KSR2: variants seen among roughly 807,000 people sequenced by gnomAD.
The protein encoded by KSR2 is kinase suppressor of ras 2.
Under a neutral mutation model 107.8 loss-of-function variants are expected in KSR2, and 25 were observed. The ratio of observed to expected loss-of-function variants is 0.23; its 90% confidence interval spans 0.17 to 0.32. The LOEUF is 0.32. Ranked by LOEUF, KSR2 falls within the 10% of genes least tolerant of loss-of-function variation. The pLI is 1.00. For synonymous variants in KSR2, 480 were observed against 507.0 expected, an observed-to-expected ratio of 0.95 and a Z score of 0.71; for missense variants, 887 against 1,268.9, an observed-to-expected ratio of 0.70 and a Z score of 4.57.
chr12:117,565,370 TA>T (rs1878417638), intron 7 of KSR2, among the ~76,000 whole-genome samples: 1 of 152,234 alleles, frequency 6.6e-6, no homozygotes, highest in African/African-American at 2.4e-5. Context: ...TGGAACATTT[TA>T]AAAACCTGGC....
chr12:117,690,687 G>A (rs561448941), intron 4 of KSR2, among the ~76,000 whole-genome samples: 8 of 152,322 alleles, frequency 5.3e-5, no homozygotes, highest in Non-Finnish European at 1.2e-4. Flanking sequence ...AAAGCAATAT[G>A]CTGTGTGTTA....
chr12:117,773,547 C>A (rs1441354519), intron 3 of KSR2, among the ~76,000 whole-genome samples: 1 of 152,174 alleles, frequency 6.6e-6, no homozygotes, highest in Non-Finnish European at 1.5e-5. Flanking sequence ...ACAGTAGATT[C>A]TTTAGCTCTT....
intron 14 of KSR2, among the ~76,000 whole-genome samples, chr12:117,497,949 A>T (rs1424932960): frequency 6.6e-6 from 1 of 152,238 alleles, no homozygotes; most frequent in Non-Finnish European, 1.5e-5. Flanking sequence ...CTTGCAGGTT[A>T]AATGAGATAA....
At position 117,462,236 on chromosome 12, in the gene KSR2, C is replaced by CAAAAAAAAAAAAAAAA. The variant is rs61299121; in HGVS notation, c.*4947_*4962dup. 1.5e-5 allele frequency: 1 copy of CAAAAAAAAAAAAAAAA among 66,480 alleles called. No individual in the cohort carries two copies. The highest frequency in any genetic ancestry group is 2.7e-5 in the Non-Finnish European group (1 of 36,872). The allele number at this position is 66,480 out of a possible 1,614,324, so 4.1% of individuals were successfully genotyped here. A position where few individuals can be genotyped will look rare whatever the true frequency, so the allele number is the denominator to read the frequency against. Reference sequence around the variant, plus strand: ...GTGTTATAAGTTGTGGTGTCCCCAACAAAAAAAAAAAAAAAAAAAAAAAGA... The same window carrying CAAAAAAAAAAAAAAAA: ...GTGTTATAAGTTGTGGTGTCCCCAACAAAAAAAAAAAAAAAAAAAAAAAAAAAAAAAAAAAAAAAGA... On this transcript the variant is annotated 3_prime_UTR_variant, in exon 20 of 20. Transcript: ENST00000339824.
rs1212166204 is a variant in KSR2, at chr12:117,614,801, T to C, written c.1172-32442A>G. Among the ~76,000 whole-genome samples the C allele has an allele frequency of 1.9e-4, 29 of 152,224 alleles. 1 individual carries two copies. On this transcript the variant is annotated intron_variant, in intron 5 of 19. Transcript: ENST00000339824. Reference sequence around the variant, plus strand: ...GTTTAACTAATGTTTGTTCTGGAAATGTCACCATTGCCTCTGGAATTTACT... The same window carrying C: ...GTTTAACTAATGTTTGTTCTGGAAACGTCACCATTGCCTCTGGAATTTACT...
At chr12:117,940,884 G>A (rs1215206508) in intron 1 of KSR2, among the ~76,000 whole-genome samples, 4 of 152,006 alleles carry the variant, frequency 2.6e-5, no homozygotes, top group African/African-American at 9.7e-5. Flanking sequence ...CCACGAGTTT[G>A]AGACCAGCCT....
chr12:117,575,057 G>A (rs950970175), intron 7 of KSR2, among the ~76,000 whole-genome samples: 5 of 152,130 alleles, frequency 3.3e-5, no homozygotes, highest in Admixed American at 2.0e-4. Context: ...TGAAACTGCA[G>A]CCCCCATCCT....
At chr12:117,810,735 T>C (rs1891162717) in intron 3 of KSR2, among the ~76,000 whole-genome samples, 1 of 152,220 alleles carries the variant, frequency 6.6e-6, no homozygotes, top group South Asian at 2.1e-4. Context: ...ATGAAGATGG[T>C]TAAACTGTTT....
At chr12:117,646,315 G>T (rs1883636959) in intron 5 of KSR2, among the ~76,000 whole-genome samples, 1 of 152,160 alleles carries the variant, frequency 6.6e-6, no homozygotes, top group Admixed American at 6.5e-5. Flanking sequence ...AGAAGCAGCA[G>T]CTGAACCTAT....
At chr12:117,555,476 A>G (rs759353902) in intron 8 of KSR2, among the ~76,000 whole-genome samples, 183 bp from the exon 9 acceptor site, 13 of 152,232 alleles carry the variant, frequency 8.5e-5, no homozygotes, top group African/African-American at 3.1e-4. Context: ...ACATATTTCT[A>G]TTGTCCATAT....
At chr12:117,941,742 T>C (rs190072390) in intron 1 of KSR2, among the ~76,000 whole-genome samples, 27 of 141,680 alleles carry the variant, frequency 1.9e-4, no homozygotes, top group Non-Finnish European at 3.6e-4. Context: ...TTCTCGTGCC[T>C]CAACCTCCCA....
chr12:117,454,465 A>C lies in KSR2; in HGVS notation c.*12734T>G, dbSNP rs1336473555. ...AAGATGCTTTGTTTTCTGTCTTTCA[A>C]ACCCTGACATATTTATAGAGACAGC... On this transcript the variant is annotated 3_prime_UTR_variant, in exon 20 of 20. Coordinates refer to ENST00000339824, the MANE Select transcript of KSR2 (RefSeq NM_173598.6). The C allele has an allele frequency of 6.6e-6, 1 of 152,228 alleles. No homozygotes were observed. Among genetic ancestry groups the C allele is most frequent in the African/African-American group, 2.4e-5 (1 of 41,460 alleles). 9.4% of individuals were successfully genotyped at this position (152,228 alleles called of 1,614,324 possible). A position where few individuals can be genotyped will look rare whatever the true frequency, so the allele number is the denominator to read the frequency against.
At chr12:117,579,526 T>C (rs1434875579) in intron 6 of KSR2, among the ~76,000 whole-genome samples, 1 of 152,228 alleles carries the variant, frequency 6.6e-6, no homozygotes, top group African/African-American at 2.4e-5. Flanking sequence ...TGAACTTTCG[T>C]AAGGGTCATT....
intron 5 of KSR2, among the ~76,000 whole-genome samples, chr12:117,645,751 A>G (rs1593086918): frequency 6.6e-6 from 1 of 152,158 alleles, no homozygotes; most frequent in East Asian, 1.9e-4. Context: ...AAATGTTCTC[A>G]TCAAATACAG....
chr12:117,964,454 A>G (rs559978305), intron 1 of KSR2, among the ~76,000 whole-genome samples: 2 of 152,334 alleles, frequency 1.3e-5, no homozygotes, highest in South Asian at 4.1e-4. Context: ...CCTGGATGTC[A>G]GCATTTGTTG....
At chr12:117,887,540 A>G (rs1447872459) in intron 1 of KSR2, among the ~76,000 whole-genome samples, 1 of 152,162 alleles carries the variant, frequency 6.6e-6, no homozygotes, top group African/African-American at 2.4e-5. Context: ...CAGGCCCTTG[A>G]CCAGTCCTGA....
chr12:117,693,721 A>G (rs755487714), intron 4 of KSR2, among the ~76,000 whole-genome samples: 1 of 152,094 alleles, frequency 6.6e-6, no homozygotes, highest in Non-Finnish European at 1.5e-5. Context: ...CCTATGCGAG[A>G]TGCTTTATAT....
intron 3 of KSR2, among the ~76,000 whole-genome samples, chr12:117,806,869 T>A (rs1370775988): frequency 6.6e-6 from 1 of 152,218 alleles, no homozygotes; most frequent in Non-Finnish European, 1.5e-5. Context: ...ATTGAGACAC[T>A]AGTGCTCGGT....
intron 10 of KSR2, among the ~76,000 whole-genome samples, chr12:117,534,896 G>T (rs1044059715): frequency 6.6e-6 from 1 of 152,152 alleles, no homozygotes; most frequent in Non-Finnish European, 1.5e-5. Flanking sequence ...CTGGCAAAAG[G>T]CAAGGAGATG....
Sources: allele counts gnomAD v4.1 joint callset (sites outside exome capture counted in the v4.1 genomes callset), GRCh38; gene constraint gnomAD v4.1.1; transcripts MANE v1.5; gene names NCBI Gene and HGNC (gene_info 2026-07-23, HGNC 2026-07-21).